GFRA3: variants seen among roughly 807,000 people sequenced by gnomAD.
GFRA3 encodes the protein GDNF family receptor alpha-3.
Under a neutral mutation model 40.0 loss-of-function variants are expected in GFRA3, and 24 were observed. That is an observed-to-expected ratio of 0.60 (90% CI 0.43 to 0.84). GFRA3 has a LOEUF of 0.84. GFRA3 is among the 40% of genes least tolerant of loss of function. The pLI, the probability that GFRA3 is intolerant of heterozygous loss-of-function variation, is 0.00. For missense variants in GFRA3, 405 were observed against 530.6 expected (o/e 0.76, Z 2.33); for synonymous variants, 203 against 213.5 (o/e 0.95, Z 0.43).
At chr5:138,271,469 T>C (rs1434245822) in intron 1 of GFRA3, among the ~76,000 whole-genome samples, 3 of 152,198 alleles carry the variant, frequency 2.0e-5, no homozygotes, top group East Asian at 1.9e-4. Context: ...GTTTCCTGGA[T>C]TGTGAAACAC....
intron 2 of GFRA3, 141 bp downstream of exon 2, chr5:138,264,120 C>T (rs1561651779): frequency 4.2e-6 from 3 of 708,986 alleles, no homozygotes; most frequent in Non-Finnish European, 6.9e-6. Flanking sequence ...CACTATCCCT[C>T]CACCTTTCCT....
chr5:138,253,994 C>T (rs1284788080), intron 5 of GFRA3, 63 bp downstream of exon 5: 17 of 1,565,048 alleles, frequency 1.1e-5, no homozygotes, highest in East Asian at 4.5e-5. Flanking sequence ...CCTTTATCTC[C>T]GGAGCATTCT....
At chr5:138,270,611 A>G (rs1292738076) in intron 1 of GFRA3, among the ~76,000 whole-genome samples, 2 of 152,108 alleles carry the variant, frequency 1.3e-5, no homozygotes, top group East Asian at 1.9e-4. Context: ...GGTGCAGTAT[A>G]TACTTCTTGG....
Position 138,271,909 on chromosome 5 carries a change from T to TGTGTGTGTG in GFRA3, c.91+2424_91+2425insCACACACAC, listed in dbSNP as rs61550132. On this transcript the variant is annotated intron_variant, in intron 1 of 7. Coordinates refer to ENST00000274721, the MANE Select transcript of GFRA3 (RefSeq NM_001496.4). The stretch of plus-strand genomic sequence containing the variant: ...TCTTTTCTGTTTTTTTTTTTTTTTT[T>TGTGTGTGTG]TTTTTGTGTGTGTGTGTGTGTGTGT... Among the ~76,000 whole-genome samples, 937 of 99,038 alleles carry TGTGTGTGTG rather than the reference T, an allele frequency of 9.5e-3. 1 individual carries two copies. Among genetic ancestry groups the TGTGTGTGTG allele is most frequent in the South Asian group, 0.017 (38 of 2,276 alleles). The allele number at this position is 99,038 out of a possible 152,430, so 65.0% of individuals were successfully genotyped here. A position where few individuals can be genotyped will look rare whatever the true frequency, so the allele number is the denominator to read the frequency against.
At chr5:138,271,374 T>G (rs991778457) in intron 1 of GFRA3, among the ~76,000 whole-genome samples, 1 of 152,192 alleles carries the variant, frequency 6.6e-6, no homozygotes, top group Non-Finnish European at 1.5e-5. Flanking sequence ...TTACCAAGTT[T>G]GAGCAGTGAT....
rs1314554815 is a variant in GFRA3, at chr5:138,257,841, C to T, written c.583G>A (p.Val195Ile). 10 of 1,613,860 alleles carry T rather than the reference C, an allele frequency of 6.2e-6. No individual in the cohort carries two copies. The Admixed American group carries it at 8.3e-5, about 13-fold the overall frequency. ...AAAGTGAGCAGCTGCCTGAGGCAGACGTGGCGCTGGCAGTGGGGCCCGGAG... is the reference window on the plus strand; with the variant it reads ...AAAGTGAGCAGCTGCCTGAGGCAGATGTGGCGCTGGCAGTGGGGCCCGGAG... Reference protein sequence around the residue: ...ACSGPHCQRHVCLRQLLTFFE... With the variant: ...ACSGPHCQRHICLRQLLTFFE... The change falls in exon 4 of 8, where the codon GTC becomes ATC. Residue 195 changes from valine to isoleucine, a missense_variant. Transcript: ENST00000274721.
Position 138,253,352 on chromosome 5 carries a change from G to T in GFRA3, c.1048C>A (p.Arg350Ser). ...TGGGAGAAGAGTTGGCTGTGAAAAC[G>T]CATCTTAGCTGCAATGGCCTCCGCT... ...CLTEAIAAKM[R>S]FHSQLFSQDW... The change falls in exon 7 of 8, where the codon CGT becomes AGT. Residue 350 changes from arginine (R) to serine (S), a missense_variant. Transcript: ENST00000274721. 1.2e-6 allele frequency: 2 copies of T among 1,600,854 alleles called. No individual in the cohort carries two copies. The highest frequency in any genetic ancestry group is 2.2e-5 in the East Asian group (1 of 44,762).
chr5:138,273,005 T>G (rs528529347), intron 1 of GFRA3, among the ~76,000 whole-genome samples: 5 of 152,320 alleles, frequency 3.3e-5, no homozygotes, highest in African/African-American at 7.2e-5. Flanking sequence ...GTATCCATTT[T>G]ATAGTTGGAT....
rs114437617 is a variant in GFRA3, at chr5:138,257,025, C to T, written c.785+614G>A. Among the ~76,000 whole-genome samples, 729 of 152,038 alleles carry T rather than the reference C, an allele frequency of 4.8e-3. 3 individuals are homozygous for T. Among genetic ancestry groups the T allele is most frequent in the Non-Finnish European group, 6.0e-3 (406 of 67,970 alleles). ...CATTTATTGAGCACTTACTCTTCAC[C>T]GGTACTCTACACCACTCTACATAAA... is the stretch of plus-strand genomic sequence containing the variant. On this transcript the variant is annotated intron_variant, in intron 4 of 7. Coordinates refer to ENST00000274721, the MANE Select transcript of GFRA3 (RefSeq NM_001496.4).
chr5:138,265,713 T>C (rs1419805668), intron 1 of GFRA3, among the ~76,000 whole-genome samples: 1 of 152,068 alleles, frequency 6.6e-6, no homozygotes, highest in Non-Finnish European at 1.5e-5. Context: ...TTTTCTTTTT[T>C]AGATAGGGTC....
chr5:138,266,148 T>C (rs988982473), intron 1 of GFRA3, among the ~76,000 whole-genome samples: 4 of 152,254 alleles, frequency 2.6e-5, no homozygotes, highest in Non-Finnish European at 5.9e-5. Context: ...GTACAAGTAT[T>C]TGTTTGAACA....
intron 1 of GFRA3, among the ~76,000 whole-genome samples, chr5:138,271,901 T>TGTG (rs1435516404): frequency 0.019 from 1,887 of 97,326 alleles, 37 homozygotes; most frequent in Non-Finnish European, 0.024. Flanking sequence ...TGTTTTTTTT[T>TGTG]TTTTTTTTTT....
chr5:138,270,353 C>A (rs1399662329), intron 1 of GFRA3, among the ~76,000 whole-genome samples: 4 of 143,382 alleles, frequency 2.8e-5, no homozygotes, highest in Admixed American at 2.2e-4. Context: ...GCCCGGGCGA[C>A]AGAGCCAGAC....
At chr5:138,272,069 G>A (rs555135260) in intron 1 of GFRA3, among the ~76,000 whole-genome samples, 35 of 148,632 alleles carry the variant, frequency 2.4e-4, no homozygotes, top group Non-Finnish European at 5.1e-4. Flanking sequence ...GCAGTGGCGC[G>A]ATCTCAGCTC....
chr5:138,255,547 C>G (rs1755614015), intron 4 of GFRA3, among the ~76,000 whole-genome samples: 1 of 152,144 alleles, frequency 6.6e-6, no homozygotes, highest in Non-Finnish European at 1.5e-5. Flanking sequence ...TTTGATCTGG[C>G]AATGGTACTA....
At position 138,270,711 on chromosome 5, in the gene GFRA3, GAAAAGA is replaced by G. The variant is rs888597531; in HGVS notation, c.91+3617_91+3622del. On this transcript the variant is annotated intron_variant, in intron 1 of 7. Transcript: ENST00000274721. ...CCTGTATGTACCCCAATAACCTATG[GAAAAGA>G]AAAAGTATATCAGAATTTCTCTAGG... Among the ~76,000 whole-genome samples the G allele has an allele frequency of 5.4e-4, 82 of 151,564 alleles. 1 individual carries two copies. The highest frequency in any genetic ancestry group is 2.4e-4 in the Non-Finnish European group (16 of 67,920).
intron 2 of GFRA3, among the ~76,000 whole-genome samples, chr5:138,263,772 A>G (rs1221927237): frequency 6.6e-6 from 1 of 152,178 alleles, no homozygotes; most frequent in African/African-American, 2.4e-5. Context: ...GCTGACTAAT[A>G]AGGGGCCTAT....
At chr5:138,267,068 C>A in intron 1 of GFRA3, 1 of 176,414 alleles carries the variant, frequency 5.7e-6, no homozygotes, top group South Asian at 1.3e-4. Flanking sequence ...AGTGGCTGGC[C>A]ATAAACACTT....
At chr5:138,263,254 A>G (rs756784544) in intron 2 of GFRA3, among the ~76,000 whole-genome samples, 2 of 152,204 alleles carry the variant, frequency 1.3e-5, no homozygotes, top group Non-Finnish European at 2.9e-5. Flanking sequence ...GGTGTGAGCC[A>G]CCACACCCGG....
Sources: gnomAD v4.1 joint callset for allele counts (sites outside exome capture counted in the v4.1 genomes callset) on GRCh38, gnomAD v4.1.1 for gene constraint, MANE v1.5 for transcripts, NCBI Gene and HGNC (gene_info 2026-07-23, HGNC 2026-07-21) for gene names.